CNST: variants seen among roughly 807,000 people sequenced by gnomAD.
CNST encodes the protein consortin.
CNST carries 39 observed loss-of-function variants against 72.4 expected under a neutral mutation model. The observed-to-expected ratio is 0.54, with a 90% CI of 0.42 to 0.70. The LOEUF (loss-of-function observed/expected upper bound fraction) is 0.70. Ranked by LOEUF, CNST falls within the 30% of genes least tolerant of loss-of-function variation. The pLI is 0.00. For synonymous variants in CNST, 332 were observed against 320.1 expected (o/e 1.04, Z -0.40); for missense variants, 871 against 868.5 (o/e 1.00, Z -0.04).
At chr1:246,619,757 C>G (rs1210285457) in intron 2 of CNST, among the ~76,000 whole-genome samples, 2 of 152,238 alleles carry the variant, frequency 1.3e-5, no homozygotes, top group African/African-American at 4.8e-5. Context: ...CTGGCCAGGG[C>G]AGTGGGTTTC....
At chr1:246,580,940 T>C (rs1237184128) in intron 1 of CNST, among the ~76,000 whole-genome samples, 1 of 151,958 alleles carries the variant, frequency 6.6e-6, no homozygotes, top group Non-Finnish European at 1.5e-5. Context: ...GATTTCACCA[T>C]GTTGGCCAGG....
chr1:246,641,615 G>T (rs934239616), intron 6 of CNST, 134 bp from the exon 7 acceptor site: 1 of 614,452 alleles, frequency 1.6e-6, no homozygotes, highest in Non-Finnish European at 2.9e-6. Flanking sequence ...TGTTTCAGCC[G>T]TGGAAATGTT....
intron 10 of CNST, 88 bp from the exon 11 acceptor site, chr1:246,665,612 T>C (rs370864514): frequency 1.3e-5 from 14 of 1,064,576 alleles, no homozygotes; most frequent in African/African-American, 7.8e-5. Context: ...AGTAGAAATG[T>C]GTAGTTATCT....
At chr1:246,575,108 C>T (rs1660320151) in intron 1 of CNST, among the ~76,000 whole-genome samples, 1 of 152,026 alleles carries the variant, frequency 6.6e-6, no homozygotes, top group Non-Finnish European at 1.5e-5. Flanking sequence ...TGATTCTCGC[C>T]TCAGCCTCCC....
intron 1 of CNST, among the ~76,000 whole-genome samples, chr1:246,586,423 CTATA>C (rs1225136540): frequency 1.4e-5 from 2 of 147,430 alleles, no homozygotes; most frequent in African/African-American, 4.9e-5. Flanking sequence ...TTATATATAT[CTATA>C]TATGATATAT....
intron 2 of CNST, among the ~76,000 whole-genome samples, chr1:246,597,558 C>T (rs1023238606): frequency 6.6e-6 from 1 of 152,160 alleles, no homozygotes; most frequent in Admixed American, 6.5e-5. Context: ...GGCGGGAAGC[C>T]AGAAATAGGC....
chr1:246,649,258 A>G (rs76957767), intron 9 of CNST, among the ~76,000 whole-genome samples: 7,170 of 152,030 alleles, frequency 0.047, 549 homozygotes, highest in African/African-American at 0.16. Flanking sequence ...AATGTTGGAA[A>G]TAGATGGTGG....
chr1:246,617,681 T>C (rs530246772), intron 2 of CNST, among the ~76,000 whole-genome samples: 49 of 152,356 alleles, frequency 3.2e-4, no homozygotes, highest in South Asian at 2.9e-3. Flanking sequence ...TTAATATCCA[T>C]GTCATTCTTC....
chr1:246,654,286 C>T (rs1666652412), intron 9 of CNST, among the ~76,000 whole-genome samples: 1 of 152,168 alleles, frequency 6.6e-6, no homozygotes, highest in Non-Finnish European at 1.5e-5. Flanking sequence ...ATGTCAGCTC[C>T]ACCCTGAGGT....
At chr1:246,593,621 C>T (rs1291070538) in intron 2 of CNST, among the ~76,000 whole-genome samples, 4 of 152,090 alleles carry the variant, frequency 2.6e-5, no homozygotes, top group African/African-American at 9.7e-5. Context: ...GGATTAAAGG[C>T]GTGAGCCACC....
Position 246,647,513 on chromosome 1 carries a change from G to C in CNST, c.1312G>C (p.Gly438Arg), listed in dbSNP as rs1666173650. 3.1e-6 allele frequency: 5 copies of C among 1,614,080 alleles called. No homozygotes were observed. The African/African-American group carries it at 5.3e-5, about 17-fold the overall frequency. Reference protein sequence around the residue: ...KSKTEPLISPGCDRIPPALIS... With the variant: ...KSKTEPLISPRCDRIPPALIS... Reference sequence around the variant, plus strand: ...AAAGACAGAGCCGTTGATTTCACCAGGCTGTGACCGTATACCTCCTGCATT... The same window carrying C: ...AAAGACAGAGCCGTTGATTTCACCACGCTGTGACCGTATACCTCCTGCATT... The change falls in exon 9 of 11, where the codon GGC becomes CGC. Residue 438 changes from glycine to arginine, a missense_variant. Coordinates refer to ENST00000366513, the MANE Select transcript of CNST (RefSeq NM_152609.3).
intron 2 of CNST, among the ~76,000 whole-genome samples, chr1:246,617,150 G>A (rs927499984): frequency 5.3e-5 from 8 of 152,012 alleles, no homozygotes; most frequent in African/African-American, 1.7e-4. Context: ...GAACTGTCAA[G>A]CATTAAAAGA....
At chr1:246,658,472 A>ATT (rs35403416) in intron 9 of CNST, among the ~76,000 whole-genome samples, 5 of 150,092 alleles carry the variant, frequency 3.3e-5, no homozygotes, top group Admixed American at 6.7e-5. Context: ...TGGCTTGTTG[A>ATT]TTTTTTTTTT....
rs188345256 is a variant in CNST at position 246,576,735 on chromosome 1, C to G, written c.-52+10072C>G. On this transcript the variant is annotated intron_variant, in intron 1 of 10. Coordinates refer to ENST00000366513, the MANE Select transcript of CNST (RefSeq NM_152609.3). ...TCTCTAACTCCTGACCTCAGGTGAT[C>G]CACCCCCCTCAGCCTTCCAAAGTGC... 2.6e-3 allele frequency among the ~76,000 whole-genome samples: 402 copies of G among 152,010 alleles called. 1 individual carries two copies. Among genetic ancestry groups the G allele is most frequent in the African/African-American group, 9.1e-3 (376 of 41,332 alleles).
At chr1:246,643,952 ATTAC>A (rs1248241090) in intron 8 of CNST, among the ~76,000 whole-genome samples, 1 of 152,128 alleles carries the variant, frequency 6.6e-6, no homozygotes, top group African/African-American at 2.4e-5. Flanking sequence ...GATAGTCTTT[ATTAC>A]TTATCACTTA....
intron 9 of CNST, among the ~76,000 whole-genome samples, chr1:246,652,727 G>C (rs533744975): frequency 1.3e-5 from 2 of 152,066 alleles, no homozygotes; most frequent in African/African-American, 2.4e-5. Flanking sequence ...TAATCTGGCC[G>C]GGCACAGTGG....
intron 10 of CNST, among the ~76,000 whole-genome samples, chr1:246,661,109 A>G (rs1416089540): frequency 6.6e-6 from 1 of 152,136 alleles, no homozygotes; most frequent in Non-Finnish European, 1.5e-5. Context: ...AGCTGGGCTT[A>G]CAGGCACATG....
intron 5 of CNST, 71 bp from the exon 6 acceptor site, chr1:246,634,398 TTAAC>T (rs987087320): frequency 2.6e-5 from 21 of 793,574 alleles, no homozygotes; most frequent in Non-Finnish European, 4.2e-5. Flanking sequence ...GTGGTGCTAG[TTAAC>T]TGTTTGTTTG....
chr1:246,640,984 G>T (rs986205599), intron 6 of CNST, among the ~76,000 whole-genome samples: 38 of 152,154 alleles, frequency 2.5e-4, no homozygotes, highest in Non-Finnish European at 2.1e-4. Context: ...TGCCAACTTC[G>T]TACCCACCCA....
Sources: gnomAD v4.1 joint callset for allele counts (sites outside exome capture counted in the v4.1 genomes callset) on GRCh38, gnomAD v4.1.1 for gene constraint, MANE v1.5 for transcripts, NCBI Gene and HGNC (gene_info 2026-07-23, HGNC 2026-07-21) for gene names.